GSE1: variants seen among roughly 807,000 people sequenced by gnomAD.
GSE1 encodes genetic suppressor element 1.
A neutral mutation model predicts 112.6 loss-of-function variants in GSE1; 32 were observed. The ratio of observed to expected loss-of-function variants is 0.28; its 90% CI spans 0.21 to 0.38. GSE1 has a LOEUF of 0.38. Ranked by LOEUF, GSE1 falls within the 10% of genes least tolerant of loss-of-function variation. The pLI is 1.00. For missense variants in GSE1, 2,348 were observed against 1,699.2 expected (o/e 1.38, Z -6.71); for synonymous variants, 1,115 against 735.6 (o/e 1.52, Z -8.35).
chr16:85,576,773 T>TG (rs912551500), intron 1 of GSE1, among the ~76,000 whole-genome samples: 1 of 152,174 alleles, frequency 6.6e-6, no homozygotes, highest in Admixed American at 6.5e-5. Flanking sequence ...CAGGCTTGCT[T>TG]GGGGACTGAT....
chr16:85,668,857 G>A (rs182160261), intron 14 of GSE1, among the ~76,000 whole-genome samples: 41 of 152,342 alleles, frequency 2.7e-4, no homozygotes, highest in South Asian at 6.2e-4. Flanking sequence ...CTCTGTGGCC[G>A]GTGGGTGCCA....
chr16:85,379,796 G>A (rs1184046217), intron 2 of GSE1, among the ~76,000 whole-genome samples: 1 of 152,222 alleles, frequency 6.6e-6, no homozygotes, highest in African/African-American at 2.4e-5. Flanking sequence ...ATGGCCTAGG[G>A]GTTGAGGGAA....
At chr16:85,535,672 T>C (rs2044300927) in intron 2 of GSE1, among the ~76,000 whole-genome samples, 1 of 152,128 alleles carries the variant, frequency 6.6e-6, no homozygotes, top group South Asian at 2.1e-4. Flanking sequence ...CAGTAGGTCC[T>C]ATCACTGACC....
chr16:85,515,886 C>G (rs777797518), intron 2 of GSE1, among the ~76,000 whole-genome samples: 1 of 152,160 alleles, frequency 6.6e-6, no homozygotes, highest in Non-Finnish European at 1.5e-5. Context: ...CTTTCCCCAC[C>G]GGCTCTGGCC....
At chr16:85,382,577 G>A (rs982785253) in intron 2 of GSE1, among the ~76,000 whole-genome samples, 3 of 152,150 alleles carry the variant, frequency 2.0e-5, no homozygotes, top group Admixed American at 1.3e-4. Context: ...GCCTGTGCCC[G>A]GGCTCGGAGC....
At chr16:85,432,968 G>A (rs1045715640) in intron 2 of GSE1, among the ~76,000 whole-genome samples, 7 of 152,006 alleles carry the variant, frequency 4.6e-5, no homozygotes, top group South Asian at 2.1e-4. Context: ...GGCCTAGAGC[G>A]GTCACACTGT....
intron 1 of GSE1, among the ~76,000 whole-genome samples, chr16:85,233,958 C>T (rs564034209): frequency 1.3e-5 from 2 of 152,260 alleles, no homozygotes; most frequent in Non-Finnish European, 1.5e-5. Context: ...GCACAGAAGG[C>T]GGCTCCTCAA....
chr16:85,283,656 C>T (rs2044925323), intron 1 of GSE1: 1 of 152,304 alleles, frequency 6.6e-6, no homozygotes, highest in South Asian at 2.1e-4. Context: ...CTTGTCCAGC[C>T]ACAGCCCAAG....
At chr16:85,549,883 A>T (rs1384540921) in intron 2 of GSE1, among the ~76,000 whole-genome samples, 1 of 152,154 alleles carries the variant, frequency 6.6e-6, no homozygotes, top group Non-Finnish European at 1.5e-5. Context: ...TGTGGTGCCC[A>T]TCTCAAGGGG....
intron 2 of GSE1, among the ~76,000 whole-genome samples, chr16:85,403,380 G>C (rs903375900): frequency 7.2e-5 from 11 of 152,196 alleles, no homozygotes; most frequent in Non-Finnish European, 1.2e-4. Flanking sequence ...AGGAGGCGTG[G>C]TCATTGGGGG....
rs539300263 is a variant in GSE1 at position 85,201,967 on chromosome 16, A to G, written c.2283+30160A>G. On this transcript the variant is annotated intron_variant, in intron 1 of 2. Transcript: ENST00000637419. ...ATTTTAGTTGCCATCTGTGGATGGT[A>G]AGAGAGAGAGATACATTTTAATGTT... Among the ~76,000 whole-genome samples, 290 of 152,308 alleles carry G rather than the reference A, an allele frequency of 1.9e-3. 2 individuals are homozygous for G. Among genetic ancestry groups the G allele is most frequent in the Non-Finnish European group, 2.8e-3 (190 of 68,030 alleles).
intron 2 of GSE1, among the ~76,000 whole-genome samples, chr16:85,643,360 G>A (rs1057049109): frequency 3.3e-5 from 5 of 152,340 alleles, no homozygotes; most frequent in East Asian, 3.9e-4. Flanking sequence ...GGCGTTGTGG[G>A]GGCATCGATC....
intron 1 of GSE1, among the ~76,000 whole-genome samples, chr16:85,262,919 C>T (rs1907855807): frequency 6.6e-6 from 1 of 152,248 alleles, no homozygotes; most frequent in African/African-American, 2.4e-5. Context: ...AGGCCCCGTT[C>T]TAGGCTCAGA....
intron 11 of GSE1, 144 bp from the exon 12 acceptor site, chr16:85,664,871 C>T (rs767002151): frequency 1.6e-6 from 1 of 618,008 alleles, no homozygotes; most frequent in Middle Eastern, 3.5e-4. Context: ...TTCCTTTCAA[C>T]TGGGCCTGCC....
intron 2 of GSE1, among the ~76,000 whole-genome samples, chr16:85,433,494 C>T (rs146402308): frequency 1.3e-5 from 2 of 152,306 alleles, no homozygotes; most frequent in East Asian, 1.9e-4. Context: ...CTCACTGTAG[C>T]GTCCTGACAA....
At chr16:85,514,170 C>T (rs1451346344) in intron 2 of GSE1, among the ~76,000 whole-genome samples, 1 of 151,322 alleles carries the variant, frequency 6.6e-6, no homozygotes, top group Non-Finnish European at 1.5e-5. Flanking sequence ...CTCTCTTTCT[C>T]CTCTTATCTT....
intron 1 of GSE1, among the ~76,000 whole-genome samples, chr16:85,309,435 C>T (rs1385069145): frequency 3.3e-5 from 5 of 152,060 alleles, no homozygotes; most frequent in South Asian, 2.1e-4. Context: ...TTGAGGCTGC[C>T]ATGAGCCATG....
intron 2 of GSE1, among the ~76,000 whole-genome samples, chr16:85,518,423 G>T (rs2052027026): frequency 6.6e-6 from 1 of 152,142 alleles, no homozygotes; most frequent in Non-Finnish European, 1.5e-5. Context: ...GTCACACAGG[G>T]ATGCAACTGT....
intron 1 of GSE1, among the ~76,000 whole-genome samples, chr16:85,264,870 G>A (rs984417979): frequency 2.0e-5 from 3 of 152,166 alleles, no homozygotes; most frequent in Admixed American, 2.0e-4. Flanking sequence ...GAGATCAGAC[G>A]CCCTGGGTCC....
Sources: gnomAD v4.1 joint callset for allele counts (sites outside exome capture counted in the v4.1 genomes callset) on GRCh38, gnomAD v4.1.1 for gene constraint, MANE v1.5 for transcripts, NCBI Gene and HGNC (gene_info 2026-07-23, HGNC 2026-07-21) for gene names.